The following CDH18 variants were observed in gnomAD, a reference collection of about 807,000 sequenced individuals.
The protein encoded by CDH18 is cadherin 18.
In CDH18, 31 loss-of-function variants were observed where a neutral mutation model predicts 67.9. The observed-to-expected ratio is 0.46, with a 90% CI of 0.34 to 0.62. CDH18 has a LOEUF of 0.62. Among genes scored for constraint, CDH18 ranks in the 20% least tolerant of loss-of-function variants. The pLI, the probability that CDH18 is intolerant of heterozygous loss-of-function variation, is 0.01. For synonymous variants in CDH18, 362 were observed against 347.2 expected, an observed-to-expected ratio of 1.04 and a Z score of -0.48; for missense variants, 890 against 975.5, an observed-to-expected ratio of 0.91 and a Z score of 1.17.
chr5:19,471,849 A>G lies in CDH18; in HGVS notation c.*1377T>C, dbSNP rs1415011315. On this transcript the variant is annotated 3_prime_UTR_variant, in exon 13 of 13. Transcript: ENST00000382275. ...GCATGTAAATATATATTTATAAGCT[A>G]ATGAAACTAGAAAATTAGATAAGCG... Among the ~76,000 whole-genome samples the G allele has an allele frequency of 1.3e-5, 2 of 152,184 alleles. No homozygotes were observed. The highest frequency in any genetic ancestry group is 4.8e-5 in the African/African-American group (2 of 41,450).
intron 1 of CDH18, among the ~76,000 whole-genome samples, chr5:20,344,101 T>C (rs1287412393): frequency 6.6e-6 from 1 of 152,138 alleles, no homozygotes; most frequent in Non-Finnish European, 1.5e-5. Context: ...AAAGGATGGC[T>C]ACTATTGGAG....
intron 3 of CDH18, among the ~76,000 whole-genome samples, chr5:19,791,032 A>G (rs1776296875): frequency 6.6e-6 from 1 of 152,110 alleles, no homozygotes; most frequent in African/African-American, 2.4e-5. Flanking sequence ...GATATGAGTC[A>G]CTGGGAAGAG....
At chr5:20,152,214 G>T (rs1356250480) in intron 2 of CDH18, among the ~76,000 whole-genome samples, 4 of 140,444 alleles carry the variant, frequency 2.8e-5, no homozygotes, top group South Asian at 2.2e-4. Context: ...ATATAATATA[G>T]ATATAATTAT....
chr5:19,832,301 G>A (rs1445152144), intron 3 of CDH18, among the ~76,000 whole-genome samples: 4 of 151,824 alleles, frequency 2.6e-5, no homozygotes, highest in African/African-American at 9.7e-5. Context: ...ATTTTATAAC[G>A]TAAAATATAA....
chr5:20,391,040 T>C (rs949838160), intron 1 of CDH18, among the ~76,000 whole-genome samples: 1 of 151,956 alleles, frequency 6.6e-6, no homozygotes, highest in Non-Finnish European at 1.5e-5. Flanking sequence ...TGCTAAATGA[T>C]GAGTTACTGG....
chr5:20,136,865 T>G (rs1301069521), intron 2 of CDH18, among the ~76,000 whole-genome samples: 1 of 152,228 alleles, frequency 6.6e-6, no homozygotes, highest in Non-Finnish European at 1.5e-5. Flanking sequence ...TTTGGTTGGA[T>G]ACGAAATTCA....
chr5:20,272,278 C>G (rs1280929451), intron 1 of CDH18, among the ~76,000 whole-genome samples: 1 of 151,930 alleles, frequency 6.6e-6, no homozygotes, highest in Non-Finnish European at 1.5e-5. Flanking sequence ...GTAATGAGAG[C>G]AGTATCTGAG....
upstream of CDH18, among the ~76,000 whole-genome samples, chr5:19,990,610 C>A (rs952441227): frequency 6.6e-6 from 1 of 152,154 alleles, no homozygotes; most frequent in Non-Finnish European, 1.5e-5. Flanking sequence ...GGAATAAGGG[C>A]TCTAGATTCT....
chr5:19,767,955 G>T (rs953828245), intron 3 of CDH18, among the ~76,000 whole-genome samples: 1 of 152,076 alleles, frequency 6.6e-6, no homozygotes, highest in African/African-American at 2.4e-5. Flanking sequence ...TCAACAATGA[G>T]CTTTGAGTTA....
intron 2 of CDH18, among the ~76,000 whole-genome samples, chr5:19,844,778 T>G (rs1159537094): frequency 6.6e-6 from 1 of 152,118 alleles, no homozygotes; most frequent in East Asian, 1.9e-4. Context: ...TGGCATAAAT[T>G]AAAAGGGTTC....
chr5:20,024,833 C>T (rs919614649), intron 2 of CDH18, among the ~76,000 whole-genome samples: 5 of 152,080 alleles, frequency 3.3e-5, no homozygotes, highest in Non-Finnish European at 7.3e-5. Flanking sequence ...ATGTAGAATA[C>T]TTAGAAGCAA....
intron 1 of CDH18, among the ~76,000 whole-genome samples, chr5:20,421,216 G>A (rs780035018): frequency 1.3e-5 from 2 of 151,114 alleles, no homozygotes; most frequent in African/African-American, 4.9e-5. Context: ...GGAGCAGGGA[G>A]CAGGGATGAG....
At chr5:20,111,343 G>A (rs1216295961) in intron 2 of CDH18, among the ~76,000 whole-genome samples, 1 of 152,016 alleles carries the variant, frequency 6.6e-6, no homozygotes, top group Non-Finnish European at 1.5e-5. Flanking sequence ...ATGATTTGCT[G>A]TTGTTGTTTT....
intron 2 of CDH18, among the ~76,000 whole-genome samples, chr5:19,889,617 G>C (rs893754723): frequency 6.6e-6 from 1 of 151,936 alleles, no homozygotes; most frequent in Non-Finnish European, 1.5e-5. Flanking sequence ...ATATTGTAAA[G>C]GATTTACATC....
intron 1 of CDH18, among the ~76,000 whole-genome samples, chr5:20,517,269 G>T (rs185777879): frequency 6.6e-6 from 1 of 151,434 alleles, no homozygotes; most frequent in African/African-American, 2.4e-5. Context: ...AAAATTATTT[G>T]CTTATATATT....
At chr5:20,389,333 T>C (rs559143258) in intron 1 of CDH18, among the ~76,000 whole-genome samples, 117 of 152,320 alleles carry the variant, frequency 7.7e-4, no homozygotes, top group Non-Finnish European at 1.5e-3. Context: ...TTTTGATCTT[T>C]GTTGGCTTAA....
chr5:19,663,305 A>T (rs1560979485), intron 5 of CDH18, among the ~76,000 whole-genome samples: 1 of 151,908 alleles, frequency 6.6e-6, no homozygotes, highest in Non-Finnish European at 1.5e-5. Flanking sequence ...AATAATTTCC[A>T]ATATATAAAA....
At chr5:19,972,361 G>A (rs546169941) in intron 2 of CDH18, among the ~76,000 whole-genome samples, 8 of 151,982 alleles carry the variant, frequency 5.3e-5, no homozygotes, top group Non-Finnish European at 1.0e-4. Context: ...AAATTACTAA[G>A]TCTATAAATT....
At chr5:20,095,423 G>GAAAGAAAGAAAGAAAGAA (rs1745853300) in intron 2 of CDH18, among the ~76,000 whole-genome samples, 1 of 122,862 alleles carries the variant, frequency 8.1e-6, no homozygotes, top group African/African-American at 3.1e-5. Context: ...AAGAAAGAAA[G>GAAAGAAAGAAAGAAAGAA]AAAGAAAGAA....
Sources: gnomAD v4.1 joint callset for allele counts (sites outside exome capture counted in the v4.1 genomes callset) on GRCh38, gnomAD v4.1.1 for gene constraint, MANE v1.5 for transcripts, NCBI Gene and HGNC (gene_info 2026-07-23, HGNC 2026-07-21) for gene names.